Variants in ANO6 observed in about 807,000 individuals in gnomAD.
ANO6 encodes anoctamin 6, also known as anoctamin-6.
In ANO6, 106 loss-of-function variants were observed where a neutral mutation model predicts 117.5. That is an observed-to-expected ratio of 0.90 (90% CI 0.77 to 1.06). The LOEUF (loss-of-function observed/expected upper bound fraction) is 1.06. Ranked by LOEUF, ANO6 falls within the 50% of genes least tolerant of loss-of-function variation. The pLI is 0.00. For synonymous variants in ANO6, 367 were observed against 385.1 expected (o/e 0.95, Z 0.55); for missense variants, 955 against 1,121.1 (o/e 0.85, Z 2.12).
At chr12:45,435,290 A>C (rs1429297650), downstream of ANO6, among the ~76,000 whole-genome samples, 1 of 152,228 alleles carries the variant, frequency 6.6e-6, no homozygotes, top group East Asian at 1.9e-4. Context: ...CTAATTGCTT[A>C]CTATAAATTC....
In ANO6 at chr12:45,275,681, C is replaced by T. The variant is rs562244326; in HGVS notation, c.71-26333C>T. Among the ~76,000 whole-genome samples the T allele has an allele frequency of 2.8e-4, 42 of 152,236 alleles. 1 individual carries two copies. The highest frequency in any genetic ancestry group is 8.9e-4 in the African/African-American group (37 of 41,536). On this transcript the variant is annotated intron_variant, in intron 1 of 19. Transcript: ENST00000320560. The stretch of plus-strand genomic sequence containing the variant: ...TGTGTGTTGCTGCTTCCAATGGATA[C>T]GTTTCTATCTTACTGGATCTCTGAG...
At chr12:45,362,787 C>G (rs1327556046) in intron 8 of ANO6, among the ~76,000 whole-genome samples, 1 of 152,070 alleles carries the variant, frequency 6.6e-6, no homozygotes, top group Non-Finnish European at 1.5e-5. Flanking sequence ...AAATAGTACA[C>G]AAAAACTTTA....
intron 1 of ANO6, among the ~76,000 whole-genome samples, chr12:45,227,611 C>A (rs949311423): frequency 3.3e-5 from 5 of 152,000 alleles, no homozygotes; most frequent in African/African-American, 9.7e-5. Flanking sequence ...ATAATAAATT[C>A]TTTTTCTTTT....
At chr12:45,221,156 C>T (rs1220484471) in intron 1 of ANO6, among the ~76,000 whole-genome samples, 4 of 152,212 alleles carry the variant, frequency 2.6e-5, no homozygotes, top group Non-Finnish European at 4.4e-5. Flanking sequence ...AGAGGACGCC[C>T]AGCTGGCGTT....
At chr12:45,247,256 C>G (rs566231732) in intron 1 of ANO6, among the ~76,000 whole-genome samples, 1 of 152,230 alleles carries the variant, frequency 6.6e-6, no homozygotes, top group African/African-American at 2.4e-5. Flanking sequence ...TGAAATTCAT[C>G]ACTTCAGAAT....
intron 2 of ANO6, among the ~76,000 whole-genome samples, chr12:45,322,784 A>G (rs897275941): frequency 2.6e-5 from 4 of 152,174 alleles, no homozygotes; most frequent in East Asian, 3.9e-4. Context: ...TATATTTTAT[A>G]TTGCATAACC....
intron 1 of ANO6, among the ~76,000 whole-genome samples, chr12:45,301,253 A>G (rs1592936291): frequency 7.0e-6 from 1 of 142,838 alleles, no homozygotes; most frequent in African/African-American, 2.6e-5. Flanking sequence ...TTTTTTAAAA[A>G]CGTCTCTACT....
At position 45,430,758 on chromosome 12, in the gene ANO6, T is replaced by G; in HGVS notation, c.*1447T>G. 1.0e-6 allele frequency: 1 copy of G among 985,466 alleles called. No homozygotes were observed. The highest frequency in any genetic ancestry group is 1.2e-6 in the Non-Finnish European group (1 of 829,958). 61.0% of individuals were successfully genotyped at this position (985,466 alleles called of 1,614,324 possible). On this transcript the variant is annotated 3_prime_UTR_variant, in exon 20 of 20. Transcript: ENST00000320560. ...CTCACTTTTGCTCAGCCTAGCAGTC[T>G]ACTTCACTTTATTGCCTTGTAAGTG...
At chr12:45,389,656 A>C (rs11183010) in intron 11 of ANO6, among the ~76,000 whole-genome samples, 8,539 of 152,266 alleles carry the variant, frequency 0.056, 485 homozygotes, top group East Asian at 0.32. Context: ...GTGATGGTGA[A>C]GTCTCTGATG....
chr12:45,379,949 G>C (rs1305340231), intron 10 of ANO6, among the ~76,000 whole-genome samples: 3 of 152,134 alleles, frequency 2.0e-5, no homozygotes, highest in African/African-American at 7.2e-5. Context: ...GAGAACTACT[G>C]CTGTGAACCA....
intron 6 of ANO6, among the ~76,000 whole-genome samples, chr12:45,349,238 C>T (rs1285981851): frequency 6.6e-6 from 1 of 152,136 alleles, no homozygotes; most frequent in Non-Finnish European, 1.5e-5. Context: ...GACTTTTCTT[C>T]CTCATTTGGA....
chr12:45,351,876 C>G (rs1373949745), intron 7 of ANO6, among the ~76,000 whole-genome samples: 1 of 4,306 alleles, frequency 2.3e-4, no homozygotes. Context: ...ATCCTATTCA[C>G]GTTTTGCAGA....
At chr12:45,241,602 G>A (rs140908463) in intron 1 of ANO6, among the ~76,000 whole-genome samples, 1 of 152,230 alleles carries the variant, frequency 6.6e-6, no homozygotes, top group Non-Finnish European at 1.5e-5. Context: ...TGCTGGTGAG[G>A]AACTGCGATC....
At chr12:45,321,570 A>G (rs1247676743) in intron 2 of ANO6, among the ~76,000 whole-genome samples, 1 of 152,154 alleles carries the variant, frequency 6.6e-6, no homozygotes, top group Non-Finnish European at 1.5e-5. Context: ...CCTAAATTCT[A>G]ATATTTGGTT....
chr12:45,436,353 C>T (rs1478811321), downstream of ANO6, among the ~76,000 whole-genome samples: 1 of 152,168 alleles, frequency 6.6e-6, no homozygotes, highest in Non-Finnish European at 1.5e-5. Flanking sequence ...ATAGCAAGCT[C>T]TGAATAAATA....
At chr12:45,353,929 T>C (rs948800196) in intron 7 of ANO6, among the ~76,000 whole-genome samples, 12 of 142,628 alleles carry the variant, frequency 8.4e-5, no homozygotes, top group African/African-American at 3.7e-4. Flanking sequence ...GTTGAAGAAA[T>C]TATGCAGAGC....
intron 1 of ANO6, among the ~76,000 whole-genome samples, chr12:45,249,565 A>G (rs1233475119): frequency 6.6e-6 from 1 of 152,228 alleles, no homozygotes; most frequent in Admixed American, 6.5e-5. Flanking sequence ...AGAGGTTCCC[A>G]TTTTAAGGCA....
intron 1 of ANO6, among the ~76,000 whole-genome samples, chr12:45,256,941 G>C (rs894293060): frequency 3.9e-5 from 6 of 152,066 alleles, no homozygotes; most frequent in African/African-American, 1.4e-4. Context: ...GTGGCTGGTG[G>C]ATAAAGCTCT....
Position 45,429,629 on chromosome 12 carries a change from T to TC in ANO6, c.*319dup. The TC allele has an allele frequency of 8.6e-7, 1 of 1,168,594 alleles. No homozygotes were observed. Among genetic ancestry groups the TC allele is most frequent in the East Asian group, 5.9e-5 (1 of 17,012 alleles). The allele number at this position is 1,168,594 out of a possible 1,614,324, so 72.4% of individuals were successfully genotyped here. A position where few individuals can be genotyped will look rare whatever the true frequency, so the allele number is the denominator to read the frequency against. ...CTAAAGTAGAATGGATTCTTTTTTT[T>TC]CTGTTTGATTATTTTCATTTCTGTC... On this transcript the variant is annotated 3_prime_UTR_variant, in exon 20 of 20. Coordinates refer to ENST00000320560, the MANE Select transcript of ANO6 (RefSeq NM_001025356.3).
Sources: gnomAD v4.1 joint callset for allele counts (sites outside exome capture counted in the v4.1 genomes callset) on GRCh38, gnomAD v4.1.1 for gene constraint, MANE v1.5 for transcripts, NCBI Gene and HGNC (gene_info 2026-07-23, HGNC 2026-07-21) for gene names.